The following TNFSF11 variants were observed in gnomAD, a reference collection of about 807,000 sequenced individuals.
TNFSF11 encodes the protein tumor necrosis factor ligand superfamily member 11.
Under a neutral mutation model 32.2 loss-of-function variants are expected in TNFSF11, and 12 were observed. That is an observed-to-expected ratio of 0.37 (90% CI 0.24 to 0.60). TNFSF11 has a LOEUF of 0.60. TNFSF11 is among the 20% of genes least tolerant of loss of function. The probability of loss-of-function intolerance (pLI) is 0.66; values close to 1 mark genes in which losing one functional copy is unlikely to be tolerated. For synonymous variants in TNFSF11, 172 were observed against 152.1 expected (o/e 1.13, Z -0.96); for missense variants, 345 against 398.0 (o/e 0.87, Z 1.13).
Position 42,607,014 on chromosome 13 carries a change from A to G in TNFSF11, c.*96A>G, listed in dbSNP as rs1023938537. On this transcript the variant is annotated 3_prime_UTR_variant, in exon 5 of 5. Coordinates refer to ENST00000398795, the MANE Select transcript of TNFSF11 (RefSeq NM_003701.4). ...TGTATATAGGTGTGTGAGACTACTA[A>G]GAGGCATGGCCCCAACGGTACACGA... The G allele has an allele frequency of 3.0e-5, 46 of 1,508,634 alleles. No individual in the cohort carries two copies. Among genetic ancestry groups the G allele is most frequent in the Non-Finnish European group, 4.1e-5 (45 of 1,094,232 alleles). 93.5% of individuals were successfully genotyped at this position (1,508,634 alleles called of 1,614,324 possible).
chr13:42,583,434 A>AG (rs1873720922), intron 2 of TNFSF11, among the ~76,000 whole-genome samples: 3 of 46,658 alleles, frequency 6.4e-5, no homozygotes, highest in Non-Finnish European at 1.2e-4. Flanking sequence ...AAAAAAAAAA[A>AG]AAAAGAAAGG....
intron 1 of TNFSF11, among the ~76,000 whole-genome samples, chr13:42,580,129 A>G (rs1873531000): frequency 6.6e-6 from 1 of 152,240 alleles, no homozygotes; most frequent in Non-Finnish European, 1.5e-5. Context: ...TAATAAGAAA[A>G]TGCAGGTGAA....
At chr13:42,595,036 A>G (rs1469277561) in intron 2 of TNFSF11, among the ~76,000 whole-genome samples, 2 of 152,230 alleles carry the variant, frequency 1.3e-5, no homozygotes, top group Non-Finnish European at 2.9e-5. Flanking sequence ...CTAAATAGAA[A>G]AATACCACAA....
intron 2 of TNFSF11, 78 bp downstream of exon 2, chr13:42,581,371 C>T (rs1285448828): frequency 6.9e-6 from 10 of 1,450,494 alleles, no homozygotes; most frequent in Middle Eastern, 1.8e-4. Context: ...TGGCTAAGTG[C>T]TGTTGACTCT....
At chr13:42,583,466 GATTA>G (rs1349344350) in intron 2 of TNFSF11, among the ~76,000 whole-genome samples, 1 of 111,620 alleles carries the variant, frequency 9.0e-6, no homozygotes, top group African/African-American at 3.5e-5. Context: ...GAAGGAAAAA[GATTA>G]TTAACATTAT....
chr13:42,594,606 G>A (rs1050716315), intron 2 of TNFSF11, among the ~76,000 whole-genome samples: 1 of 152,194 alleles, frequency 6.6e-6, no homozygotes, highest in African/African-American at 2.4e-5. Context: ...ACTCCTAAGT[G>A]TTTATACTTA....
intron 2 of TNFSF11, among the ~76,000 whole-genome samples, chr13:42,599,311 A>G (rs936645100): frequency 7.2e-6 from 1 of 139,856 alleles, no homozygotes; most frequent in African/African-American, 2.7e-5. Flanking sequence ...GCCTCTATCT[A>G]TCTATCTATC....
intron 1 of TNFSF11, among the ~76,000 whole-genome samples, chr13:42,578,235 T>A (rs1294383539): frequency 6.6e-6 from 1 of 152,226 alleles, no homozygotes; most frequent in South Asian, 2.1e-4. Context: ...ACCAGACTAA[T>A]GTGTGCTAGT....
In TNFSF11 at chr13:42,574,182, A is replaced by G; in HGVS notation, c.-122A>G. 1 of 1,378,512 alleles carries G rather than the reference A, an allele frequency of 7.3e-7. No homozygotes were observed. The highest frequency in any genetic ancestry group is 1.0e-6 in the Non-Finnish European group (1 of 1,001,020). The allele number at this position is 1,378,512 out of a possible 1,614,324, so 85.4% of individuals were successfully genotyped here. On this transcript the variant is annotated 5_prime_UTR_variant, in exon 1 of 5. Transcript: ENST00000398795. The stretch of plus-strand genomic sequence containing the variant: ...CTCGCCCGCGCGCCCCAGGACCCAA[A>G]GCCGGGCTCCAAGTCGGCGCCCCAC...
chr13:42,584,722 G>A (rs539642971), intron 2 of TNFSF11, among the ~76,000 whole-genome samples: 50 of 152,236 alleles, frequency 3.3e-4, no homozygotes, highest in African/African-American at 1.1e-3. Flanking sequence ...AATCAACTGC[G>A]CTTATTAAGG....
chr13:42,563,185 C>G (rs1057466846), intron 1 of TNFSF11, among the ~76,000 whole-genome samples: 4 of 152,232 alleles, frequency 2.6e-5, no homozygotes, highest in Non-Finnish European at 5.9e-5. Context: ...CCACCCACAG[C>G]AGGCTCCCCT....
chr13:42,603,981 C>T (rs1386181925), intron 4 of TNFSF11, among the ~76,000 whole-genome samples: 1 of 152,152 alleles, frequency 6.6e-6, no homozygotes, highest in Non-Finnish European at 1.5e-5. Flanking sequence ...GCACTTCTTC[C>T]ACATGACTTA....
chr13:42,579,407 C>G (rs981467824), intron 1 of TNFSF11, among the ~76,000 whole-genome samples: 27 of 132,784 alleles, frequency 2.0e-4, no homozygotes, highest in Admixed American at 1.4e-3. Context: ...AAAGCAAGAC[C>G]CTGTCTTCAA....
At chr13:42,578,427 C>T (rs1053610379) in intron 1 of TNFSF11, among the ~76,000 whole-genome samples, 1 of 152,120 alleles carries the variant, frequency 6.6e-6, no homozygotes, top group African/African-American at 2.4e-5. Context: ...CTCCTAGTCT[C>T]CATTTTCAGG....
At chr13:42,562,806 A>G (rs1302588845) in exon 1 of TNFSF11, 1 of 152,214 alleles carries the variant, frequency 6.6e-6, no homozygotes, top group African/African-American at 2.4e-5. Context: ...ACGCAGTGAA[A>G]ACACAGTTTG....
At chr13:42,606,248 G>C (rs1210014602) in intron 4 of TNFSF11, among the ~76,000 whole-genome samples, 2 of 152,108 alleles carry the variant, frequency 1.3e-5, no homozygotes, top group Non-Finnish European at 2.9e-5. Flanking sequence ...ACTTACCCCT[G>C]GTGCACTATA....
intron 4 of TNFSF11, 136 bp from the exon 5 acceptor site, chr13:42,606,361 A>C: frequency 9.3e-7 from 1 of 1,076,884 alleles, no homozygotes; most frequent in South Asian, 1.4e-5. Flanking sequence ...CTTCTAGAAA[A>C]GAAATGCCAA....
In TNFSF11 at chr13:42,574,429, T is replaced by C. The variant is rs2296533; in HGVS notation, c.126T>C (p.Pro42=). 0.45 allele frequency: 720,119 copies of C among 1,595,792 alleles called. 163,878 individuals are homozygous for C. Among genetic ancestry groups the C allele is most frequent in the African/African-American group, 0.52 (38,898 of 74,602 alleles). ...CGCCGCCTGCGCCGCACCAGCCCCCTGCCGCCTCCCGCTCCATGTTCGTGG... is the reference window on the plus strand; with the variant it reads ...CGCCGCCTGCGCCGCACCAGCCCCCCGCCGCCTCCCGCTCCATGTTCGTGG... ...APPPPAPHQP[P]AASRSMFVAL... is the part of the protein sequence containing the mutation. Residue 42 remains proline (P), a synonymous_variant, in exon 1 of 5, where the codon CCT becomes CCC. Transcript: ENST00000398795.
chr13:42,563,957 T>C (rs1269270397), intron 1 of TNFSF11, among the ~76,000 whole-genome samples: 1 of 152,194 alleles, frequency 6.6e-6, no homozygotes, highest in Non-Finnish European at 1.5e-5. Context: ...GAACTCCAAT[T>C]ACACATATAT....
Sources: allele counts gnomAD v4.1 joint callset (sites outside exome capture counted in the v4.1 genomes callset), GRCh38; gene constraint gnomAD v4.1.1; transcripts MANE v1.5; gene names NCBI Gene and HGNC (gene_info 2026-07-23, HGNC 2026-07-21).